Variants in RIPK1 observed in about 807,000 individuals in gnomAD.
RIPK1 encodes the protein receptor interacting serine/threonine kinase 1.
RIPK1 carries 27 observed loss-of-function variants against 62.4 expected under a neutral mutation model. The ratio of observed to expected loss-of-function variants is 0.43; its 90% CI spans 0.32 to 0.60. The LOEUF (loss-of-function observed/expected upper bound fraction) is 0.60, where lower values mean the gene tolerates loss of function less well. Among genes scored for constraint, RIPK1 ranks in the 20% least tolerant of loss-of-function variants. The pLI, the probability that RIPK1 is intolerant of heterozygous loss-of-function variation, is 0.07. For missense variants in RIPK1, 735 were observed against 831.0 expected (o/e 0.88, Z 1.42); for synonymous variants, 287 against 303.2 (o/e 0.95, Z 0.55).
chr6:3,099,953 ATAAG>A (rs1208132599), intron 7 of RIPK1, among the ~76,000 whole-genome samples: 2 of 152,218 alleles, frequency 1.3e-5, no homozygotes, highest in Non-Finnish European at 2.9e-5. Flanking sequence ...TCAAATGTCC[ATAAG>A]TAACTGCCCT....
intron 1 of RIPK1, among the ~76,000 whole-genome samples, chr6:3,073,986 A>G (rs1758918530): frequency 6.6e-6 from 1 of 152,228 alleles, no homozygotes; most frequent in Admixed American, 6.5e-5. Flanking sequence ...TTCCAAGTAC[A>G]CATCAGTACA....
rs772084419 is a variant in RIPK1, at chr6:3,081,113, T to C, written c.456T>C (p.Ile152=). 17 of 1,613,586 alleles carry C rather than the reference T, an allele frequency of 1.1e-5. No homozygotes were observed. The highest frequency in any genetic ancestry group is 3.3e-5 in the South Asian group (3 of 91,058). ...ENILVDNDFH[I]KIADLGLASF... is the part of the protein sequence containing the mutation. The stretch of plus-strand genomic sequence containing the variant: ...TCCTTGTTGATAATGACTTCCACAT[T>C]AAGGTAAACCATCATCGGTAGGCTT... The change falls in exon 4 of 11, where the codon ATT becomes ATC. Residue 152 remains isoleucine (I), a synonymous_variant. Coordinates refer to ENST00000259808, the MANE Select transcript of RIPK1 (RefSeq NM_001354930.2).
At position 3,104,152 on chromosome 6, in the gene RIPK1, C is replaced by A. The variant is rs148924234; in HGVS notation, c.916-73C>A. 597 of 642,306 alleles carry A rather than the reference C, an allele frequency of 9.3e-4. 2 individuals carry two copies. Among genetic ancestry groups the A allele is most frequent in the Admixed American group, 2.4e-3 (89 of 37,156 alleles). 39.8% of individuals were successfully genotyped at this position (642,306 alleles called of 1,614,324 possible). A position where few individuals can be genotyped will look rare whatever the true frequency, so the allele number is the denominator to read the frequency against. On this transcript the variant is annotated intron_variant, in intron 7 of 10. Coordinates refer to ENST00000259808, the MANE Select transcript of RIPK1 (RefSeq NM_001354930.2). The stretch of plus-strand genomic sequence containing the variant: ...TTTCTACCTTCTGAAAATATGAATT[C>A]TTCTCGTTAAAATTTTCTGGGACTC...
At chr6:3,084,915 T>G (rs967406496) in intron 5 of RIPK1, among the ~76,000 whole-genome samples, 1 of 152,158 alleles carries the variant, frequency 6.6e-6, no homozygotes, top group Admixed American at 6.5e-5. Flanking sequence ...ATAGCAATGA[T>G]CACTCTGTGT....
Position 3,072,356 on chromosome 6 carries a change from C to T in RIPK1, c.-61+3695C>T, listed in dbSNP as rs1487440997. Among the ~76,000 whole-genome samples, 2 of 150,686 alleles carry T rather than the reference C, an allele frequency of 1.3e-5. No homozygotes were observed. The highest frequency in any genetic ancestry group is 2.9e-5 in the Non-Finnish European group (2 of 67,820). The stretch of plus-strand genomic sequence containing the variant: ...TGTTAACATTTTGGTGTCTTTATGT[C>T]TTTTTTATCTGTACTTATATCTTTA... On this transcript the variant is annotated intron_variant, in intron 1 of 10. Transcript: ENST00000259808. The surrounding 1 kb of genome is among the most constrained non-coding windows in gnomAD (Gnocchi z 5.6).
At chr6:3,087,690 C>T (rs1759787215) in intron 6 of RIPK1, among the ~76,000 whole-genome samples, 2 of 151,970 alleles carry the variant, frequency 1.3e-5, no homozygotes, top group African/African-American at 4.8e-5. Flanking sequence ...CAGACACCCG[C>T]CACCACACCT....
chr6:3,100,908 A>G (rs886400216), intron 7 of RIPK1, among the ~76,000 whole-genome samples: 6 of 152,170 alleles, frequency 3.9e-5, no homozygotes, highest in Admixed American at 3.9e-4. Context: ...GAATCTTTCA[A>G]AAGGACTTTG....
upstream of RIPK1, among the ~76,000 whole-genome samples, chr6:3,067,318 C>T (rs915139268): frequency 1.3e-5 from 2 of 151,952 alleles, no homozygotes; most frequent in Non-Finnish European, 2.9e-5. Context: ...TAAGAAATTG[C>T]CAAAATGTCT....
upstream of RIPK1, among the ~76,000 whole-genome samples, chr6:3,067,480 T>C (rs1758433749): frequency 6.6e-6 from 1 of 152,232 alleles, no homozygotes; most frequent in Non-Finnish European, 1.5e-5. Flanking sequence ...TGCAATTCTT[T>C]AATGACATGA....
At chr6:3,089,539 A>G in intron 6 of RIPK1, 42 bp from the exon 7 acceptor site, 2 of 945,100 alleles carry the variant, frequency 2.1e-6, no homozygotes, top group Non-Finnish European at 3.4e-6. Context: ...ATTTTATGTT[A>G]GAAAATAATT....
At position 3,077,835 on chromosome 6, in the gene RIPK1, G is replaced by A. The variant is rs764169435; in HGVS notation, c.221G>A (p.Arg74Gln). The A allele has an allele frequency of 1.4e-5, 22 of 1,614,078 alleles. No individual in the cohort carries two copies. In the Admixed American group the frequency reaches 1.5e-4, roughly 11 times the overall value. The part of the protein sequence containing the change: ...AKMMNRLRHS[R>Q]VVKLLGVIIE... ...ATGATGAACAGACTGAGACACAGCC[G>A]GGTGGTGAAGCTCCTGGGCGTCATC... The change falls in exon 3 of 11, where the codon CGG becomes CAG. Residue 74 changes from arginine to glutamine, a missense_variant. Coordinates refer to ENST00000259808, the MANE Select transcript of RIPK1 (RefSeq NM_001354930.2).
intron 4 of RIPK1, among the ~76,000 whole-genome samples, 160 bp from the exon 5 acceptor site, chr6:3,082,925 G>C (rs1022258599): frequency 6.6e-6 from 1 of 152,180 alleles, no homozygotes; most frequent in African/African-American, 2.4e-5. Flanking sequence ...CAGTTTCTAT[G>C]AGTCTGTTGA....
At chr6:3,101,406 G>A (rs2113680044) in intron 7 of RIPK1, among the ~76,000 whole-genome samples, 1 of 152,324 alleles carries the variant, frequency 6.6e-6, no homozygotes, top group African/African-American at 2.4e-5. Context: ...AGTGAGCTAT[G>A]ACCATGCCAC....
At chr6:3,075,930 T>C (rs186821507) in intron 1 of RIPK1, among the ~76,000 whole-genome samples, 2 of 152,102 alleles carry the variant, frequency 1.3e-5, no homozygotes, top group East Asian at 3.9e-4. Flanking sequence ...CATCCTTTCA[T>C]CAAAGGGTTG....
At chr6:3,077,640 C>A in intron 2 of RIPK1, 139 bp from the exon 3 acceptor site, 1 of 873,952 alleles carries the variant, frequency 1.1e-6, no homozygotes, top group Non-Finnish European at 1.7e-6. Flanking sequence ...CCTTCTAACG[C>A]TTCTGGCCTG....
chr6:3,076,507 C>A (rs1316992326), intron 1 of RIPK1, among the ~76,000 whole-genome samples: 1 of 151,386 alleles, frequency 6.6e-6, no homozygotes, highest in African/African-American at 2.4e-5. Context: ...CCGGCCCCCC[C>A]ATCTCTACAA....
At chr6:3,100,110 T>G (rs919344611) in intron 7 of RIPK1, among the ~76,000 whole-genome samples, 1 of 152,194 alleles carries the variant, frequency 6.6e-6, no homozygotes, top group South Asian at 2.1e-4. Flanking sequence ...TACAGTGTGG[T>G]CCTTTTAATG....
intron 7 of RIPK1, among the ~76,000 whole-genome samples, chr6:3,096,168 A>C (rs890343529): frequency 5.3e-5 from 8 of 152,166 alleles, no homozygotes; most frequent in Admixed American, 2.0e-4. Flanking sequence ...TGCAAGACCA[A>C]GCTACTTACC....
intron 3 of RIPK1, 118 bp from the exon 4 acceptor site, chr6:3,080,861 G>T: frequency 1.1e-6 from 1 of 928,152 alleles, no homozygotes; most frequent in Non-Finnish European, 1.6e-6. Context: ...TGCACCTGCT[G>T]GAAGGAAACC....
Sources: gnomAD v4.1 joint callset for allele counts (sites outside exome capture counted in the v4.1 genomes callset) on GRCh38, gnomAD v4.1.1 for gene constraint, Gnocchi (gnomAD v3.1) non-coding constraint, MANE v1.5 for transcripts, NCBI Gene and HGNC (gene_info 2026-07-23, HGNC 2026-07-21) for gene names.